The following FOXP2 variants were observed in gnomAD, a reference collection of about 807,000 sequenced individuals.
The protein encoded by FOXP2 is forkhead box protein P2.
In FOXP2, 12 loss-of-function variants were observed where a neutral mutation model predicts 115.8. The observed-to-expected ratio is 0.10, with a 90% confidence interval of 0.07 to 0.17. The LOEUF (loss-of-function observed/expected upper bound fraction) is 0.17. Ranked by LOEUF, FOXP2 falls within the 10% of genes least tolerant of loss-of-function variation. The pLI is 1.00. For missense variants in FOXP2, 629 were observed against 843.5 expected, an observed-to-expected ratio of 0.75 and a Z score of 3.15; for synonymous variants, 328 against 297.7, an observed-to-expected ratio of 1.10 and a Z score of -1.05.
At position 114,693,747 on chromosome 7, in the gene FOXP2, T is replaced by A. The variant is rs1001896098; in HGVS notation, c.*3821T>A. ...CATTTCTGAAGTATAAATAAAAAAATCTAATTCTTTTTGACCCATTTATAA... is the reference window on the plus strand; with the variant it reads ...CATTTCTGAAGTATAAATAAAAAAAACTAATTCTTTTTGACCCATTTATAA... On this transcript the variant is annotated 3_prime_UTR_variant, in exon 17 of 17. Transcript: ENST00000350908. The A allele has an allele frequency of 3.2e-6, 1 of 313,592 alleles. No individual in the cohort carries two copies. The highest frequency in any genetic ancestry group is 6.2e-6 in the Non-Finnish European group (1 of 161,208). 19.4% of individuals were successfully genotyped at this position (313,592 alleles called of 1,614,324 possible).
At chr7:114,099,622 A>T (rs1373816294) in intron 1 of FOXP2, among the ~76,000 whole-genome samples, 3 of 152,324 alleles carry the variant, frequency 2.0e-5, no homozygotes, top group African/African-American at 7.2e-5. Context: ...ATAAGTGTTC[A>T]TCAACAGATG....
intron 2 of FOXP2, among the ~76,000 whole-genome samples, chr7:114,469,774 A>AT (rs1223097015): frequency 6.6e-6 from 1 of 152,078 alleles, no homozygotes; most frequent in Admixed American, 6.6e-5. Flanking sequence ...ATCTGTAATA[A>AT]TTTTTTGCAA....
intron 16 of FOXP2, chr7:114,669,181 A>C (rs1807352349): frequency 6.6e-6 from 1 of 152,056 alleles, no homozygotes; most frequent in African/African-American, 2.4e-5. Context: ...CAACCTTGTT[A>C]AATTTTATTT....
rs1796500373 is a variant in FOXP2 at position 114,480,753 on chromosome 7, ACG to A, written c.169-53863_169-53862del. On this transcript the variant is annotated intron_variant, in intron 2 of 16. Coordinates refer to ENST00000350908, the MANE Select transcript of FOXP2 (RefSeq NM_014491.4). Reference sequence around the variant, plus strand: ...CACGTATATATGTGTATGTATGTATACGTATATATATACGTATACATACATAC... The same window carrying A: ...CACGTATATATGTGTATGTATGTATATATATATATACGTATACATACATAC... 2.0e-5 allele frequency among the ~76,000 whole-genome samples: 3 copies of A among 150,444 alleles called. No individual in the cohort carries two copies. In the South Asian group the frequency reaches 6.2e-4, roughly 31 times the overall value.
chr7:114,195,093 T>G (rs530033791), intron 1 of FOXP2, among the ~76,000 whole-genome samples: 18 of 152,296 alleles, frequency 1.2e-4, no homozygotes, highest in African/African-American at 4.3e-4. Context: ...TCCTTGGGCA[T>G]TCTAAGAAAT....
intron 16 of FOXP2, among the ~76,000 whole-genome samples, chr7:114,685,513 A>G (rs1314458604): frequency 1.3e-5 from 2 of 152,154 alleles, no homozygotes; most frequent in African/African-American, 2.4e-5. Flanking sequence ...TTTTATTTGT[A>G]TTGGCTAAAA....
intron 16 of FOXP2, among the ~76,000 whole-genome samples, chr7:114,676,749 TATAATA>T (rs2129347905): frequency 6.6e-6 from 1 of 152,266 alleles, no homozygotes; most frequent in African/African-American, 2.4e-5. Context: ...TAACTAGAAT[TATAATA>T]AGAAAAGATG....
At chr7:114,420,396 T>G (rs1378512981) in intron 1 of FOXP2, among the ~76,000 whole-genome samples, 10 of 152,096 alleles carry the variant, frequency 6.6e-5, no homozygotes, top group African/African-American at 2.4e-4. Flanking sequence ...TAATTATTTC[T>G]TATTGCCTTA....
At position 114,534,704 on chromosome 7, in the gene FOXP2, C is replaced by A; in HGVS notation, c.256C>A (p.Gln86Lys). 1 of 1,610,700 alleles carries A rather than the reference C, an allele frequency of 6.2e-7. No individual in the cohort carries two copies. Among genetic ancestry groups the A allele is most frequent in the Non-Finnish European group, 8.5e-7 (1 of 1,177,518 alleles). ...GAGCAGTGATAAACAGAGACCACTG[C>A]AGGTTAGTAAAGCACTCCTGTCCTT... ...PKSSDKQRPL[Q>K]VPVSVAMMTP... The change falls in exon 3 of 17, where the codon CAG becomes AAG. Residue 86 changes from glutamine to lysine, a missense_variant and splice_region_variant. This residue lies in a region of FOXP2 where 91 missense variants were observed against 98.3 expected (regional missense o/e 0.93). Transcript: ENST00000350908.
At chr7:114,184,758 A>G (rs771787148) in intron 1 of FOXP2, among the ~76,000 whole-genome samples, 15 of 152,174 alleles carry the variant, frequency 9.9e-5, no homozygotes, top group Non-Finnish European at 1.5e-4. Context: ...ATCAGTTCCC[A>G]TGCTGTAATA....
intron 2 of FOXP2, among the ~76,000 whole-genome samples, chr7:114,374,772 G>A (rs1298842099): frequency 6.6e-5 from 10 of 152,116 alleles, no homozygotes; most frequent in Admixed American, 2.6e-4. Context: ...GCAATGTAGC[G>A]CACAGTGAGT....
intron 1 of FOXP2, among the ~76,000 whole-genome samples, chr7:114,238,745 C>G (rs1001627850): frequency 6.6e-6 from 1 of 151,194 alleles, no homozygotes; most frequent in African/African-American, 2.4e-5. Context: ...GCACTCCAGC[C>G]TGGGCGACAG....
intron 2 of FOXP2, among the ~76,000 whole-genome samples, chr7:114,479,323 A>G (rs1796421912): frequency 6.6e-6 from 1 of 151,636 alleles, no homozygotes; most frequent in African/African-American, 2.4e-5. Context: ...ATTTCTGGAA[A>G]TATAATAGAG....
intron 1 of FOXP2, among the ~76,000 whole-genome samples, chr7:114,202,064 A>G (rs1794081410): frequency 6.6e-6 from 1 of 152,232 alleles, no homozygotes; most frequent in African/African-American, 2.4e-5. Flanking sequence ...CACAATTGGC[A>G]ATGAATCCTC....
At chr7:114,362,527 G>A (rs1791778214) in intron 2 of FOXP2, among the ~76,000 whole-genome samples, 1 of 152,034 alleles carries the variant, frequency 6.6e-6, no homozygotes, top group East Asian at 1.9e-4. Flanking sequence ...AGTGGGTGAT[G>A]CCTGAAATAT....
At chr7:114,252,004 T>C (rs898059858) in intron 1 of FOXP2, among the ~76,000 whole-genome samples, 3 of 152,156 alleles carry the variant, frequency 2.0e-5, no homozygotes, top group African/African-American at 4.8e-5. Context: ...GCATGAAGGG[T>C]TGTTGAATTT....
At chr7:114,505,474 T>G (rs1227700050) in intron 2 of FOXP2, among the ~76,000 whole-genome samples, 1 of 151,492 alleles carries the variant, frequency 6.6e-6, no homozygotes, top group East Asian at 1.9e-4. Flanking sequence ...GCAGAGGGGT[T>G]TAATTTTATA....
intron 1 of FOXP2, among the ~76,000 whole-genome samples, chr7:114,224,886 G>A (rs1298613209): frequency 1.3e-5 from 2 of 152,096 alleles, no homozygotes; most frequent in African/African-American, 4.8e-5. Flanking sequence ...GATAAGAGAA[G>A]CTCTATTACT....
intron 16 of FOXP2, among the ~76,000 whole-genome samples, chr7:114,675,890 T>C (rs990677972): frequency 4.0e-5 from 6 of 151,148 alleles, no homozygotes; most frequent in African/African-American, 1.5e-4. Flanking sequence ...ACACATTTTC[T>C]TTATTTTATT....
Sources: gnomAD v4.1 joint callset for allele counts (sites outside exome capture counted in the v4.1 genomes callset) on GRCh38, gnomAD v4.1.1 for gene constraint, gnomAD v4.1.1 regional missense constraint, MANE v1.5 for transcripts, NCBI Gene and HGNC (gene_info 2026-07-23, HGNC 2026-07-21) for gene names.